The following CNTN5 variants were observed in gnomAD, a reference collection of about 807,000 sequenced individuals.
CNTN5 encodes the protein contactin-5.
In CNTN5, 77 loss-of-function variants were observed where a neutral mutation model predicts 129.1. The ratio of observed to expected loss-of-function variants is 0.60; its 90% CI spans 0.50 to 0.72. The LOEUF (loss-of-function observed/expected upper bound fraction) is 0.72. Ranked by LOEUF, CNTN5 falls within the 30% of genes least tolerant of loss-of-function variation. The probability of loss-of-function intolerance (pLI) is 0.00; values close to 1 mark genes in which losing one functional copy is unlikely to be tolerated. For missense variants in CNTN5, 1,478 were observed against 1,328.8 expected (o/e 1.11, Z -1.75); for synonymous variants, 509 against 465.6 (o/e 1.09, Z -1.20).
intron 1 of CNTN5, among the ~76,000 whole-genome samples, chr11:99,089,418 A>G (rs951374718): frequency 2.6e-5 from 4 of 152,178 alleles, no homozygotes; most frequent in Non-Finnish European, 4.4e-5. Context: ...CTTTAATCCT[A>G]TAAGATAAGC....
rs370054619 is a variant in CNTN5, at chr11:99,181,603, G to GACCC, written c.-209-143741_-209-143738dup. Among the ~76,000 whole-genome samples, 961 of 152,264 alleles carry GACCC rather than the reference G, an allele frequency of 6.3e-3. 7 individuals carry two copies. The highest frequency in any genetic ancestry group is 0.022 in the African/African-American group (929 of 41,554). Reference sequence around the variant, plus strand: ...ACTCATTCTCAGCCTAAGACATGATGACCCAGGTACTGATTACTAGCAGAC... The same window carrying GACCC: ...ACTCATTCTCAGCCTAAGACATGATGACCCACCCAGGTACTGATTACTAGCAGAC... On this transcript the variant is annotated intron_variant, in intron 1 of 24. Transcript: ENST00000524871.
At chr11:99,742,730 G>A (rs1447785014) in intron 3 of CNTN5, among the ~76,000 whole-genome samples, 1 of 152,156 alleles carries the variant, frequency 6.6e-6, no homozygotes, top group East Asian at 1.9e-4. Flanking sequence ...CCTAAAATCT[G>A]TCATCCTGCC....
intron 3 of CNTN5, among the ~76,000 whole-genome samples, chr11:99,774,272 T>TA (rs138859607): frequency 0.015 from 2,096 of 140,344 alleles, 42 homozygotes; most frequent in African/African-American, 0.043. Flanking sequence ...ATCAGAGTGA[T>TA]AAAAAAAAAA....
chr11:99,135,273 A>G (rs926991883), intron 1 of CNTN5, among the ~76,000 whole-genome samples: 1 of 152,232 alleles, frequency 6.6e-6, no homozygotes, highest in Non-Finnish European at 1.5e-5. Flanking sequence ...ATAATTGATA[A>G]TTGTAATACA....
chr11:99,651,853 C>T (rs949235856), intron 3 of CNTN5, among the ~76,000 whole-genome samples: 2 of 151,716 alleles, frequency 1.3e-5, no homozygotes, highest in African/African-American at 2.4e-5. Context: ...GAGACAATAA[C>T]TGAATAAGAA....
At chr11:99,123,391 T>C (rs958885953) in intron 1 of CNTN5, among the ~76,000 whole-genome samples, 1 of 151,946 alleles carries the variant, frequency 6.6e-6, no homozygotes, top group Non-Finnish European at 1.5e-5. Flanking sequence ...TATTAATGGG[T>C]TTGTTTGTTT....
intron 1 of CNTN5, among the ~76,000 whole-genome samples, chr11:99,036,921 A>G (rs1367734584): frequency 6.6e-6 from 1 of 152,180 alleles, no homozygotes; most frequent in Non-Finnish European, 1.5e-5. Context: ...TTACATATTA[A>G]CAGAAACAAA....
intron 4 of CNTN5, among the ~76,000 whole-genome samples, chr11:99,831,678 G>C (rs532346135): frequency 1.3e-5 from 2 of 152,216 alleles, no homozygotes; most frequent in South Asian, 4.1e-4. Flanking sequence ...CAACCACTAA[G>C]CTGGTCATCA....
chr11:100,323,088 C>T (rs1234156261), intron 21 of CNTN5, among the ~76,000 whole-genome samples: 1 of 152,166 alleles, frequency 6.6e-6, no homozygotes, highest in African/African-American at 2.4e-5. Flanking sequence ...TTCCTGAGAA[C>T]ATGCAGGTTA....
At chr11:99,198,840 T>C (rs1859030816) in intron 1 of CNTN5, among the ~76,000 whole-genome samples, 1 of 152,150 alleles carries the variant, frequency 6.6e-6, no homozygotes, top group Non-Finnish European at 1.5e-5. Context: ...CTAACAGATT[T>C]GATCCCAACA....
At chr11:99,981,077 GATATATATATA>G in intron 8 of CNTN5, among the ~76,000 whole-genome samples, 2 of 57,594 alleles carry the variant, frequency 3.5e-5, no homozygotes, top group East Asian at 1.2e-3. Context: ...GAGCCAATAG[GATATATATATA>G]TATATATATA....
intron 18 of CNTN5, among the ~76,000 whole-genome samples, chr11:100,289,943 A>T (rs1305192157): frequency 2.0e-5 from 3 of 151,612 alleles, no homozygotes; most frequent in East Asian, 1.9e-4. Context: ...TGCAAAAATC[A>T]CAAGCATTCT....
intron 6 of CNTN5, among the ~76,000 whole-genome samples, chr11:99,912,875 A>G (rs927652126): frequency 1.3e-5 from 2 of 151,984 alleles, no homozygotes; most frequent in Admixed American, 1.3e-4. Context: ...GTCCAGAAAG[A>G]TATTTATTTC....
At chr11:99,805,495 G>C (rs1209214295) in intron 3 of CNTN5, among the ~76,000 whole-genome samples, 2 of 152,134 alleles carry the variant, frequency 1.3e-5, no homozygotes, top group Admixed American at 1.3e-4. Flanking sequence ...CTTGTTAATT[G>C]AACTATTTTC....
At chr11:99,475,350 A>T (rs1407883896) in intron 2 of CNTN5, among the ~76,000 whole-genome samples, 1 of 152,172 alleles carries the variant, frequency 6.6e-6, no homozygotes, top group Non-Finnish European at 1.5e-5. Context: ...AGCCTCTAGA[A>T]CTGTACAAAA....
At chr11:100,336,853 C>T (rs1421460876) in intron 21 of CNTN5, 7 of 474,686 alleles carry the variant, frequency 1.5e-5, no homozygotes, top group Admixed American at 3.4e-5. Flanking sequence ...GAATCACAAT[C>T]TAGATGTGGA....
At chr11:99,861,854 C>T (rs1022632205) in intron 6 of CNTN5, among the ~76,000 whole-genome samples, 6 of 152,088 alleles carry the variant, frequency 3.9e-5, no homozygotes, top group African/African-American at 1.2e-4. Flanking sequence ...TATTTTCTAG[C>T]ATCAAAAATT....
At chr11:99,443,453 GTTTT>G (rs1943924169) in intron 2 of CNTN5, among the ~76,000 whole-genome samples, 1 of 152,168 alleles carries the variant, frequency 6.6e-6, no homozygotes, top group South Asian at 2.1e-4. Context: ...TTTTCATGGT[GTTTT>G]GACAAAACGT....
At position 99,273,798 on chromosome 11, in the gene CNTN5, AT is replaced by A. The variant is rs34339608; in HGVS notation, c.-209-51538del. On this transcript the variant is annotated intron_variant, in intron 1 of 24. Coordinates refer to ENST00000524871, the MANE Select transcript of CNTN5 (RefSeq NM_014361.4). ...CCATAAAAATCTGATTATACTTATG[AT>A]TTTTTTTTTGAATAGTCAAATCATC... 3.9e-3 allele frequency among the ~76,000 whole-genome samples: 578 copies of A among 149,818 alleles called. 5 individuals are homozygous for A. The highest frequency in any genetic ancestry group is 0.012 in the African/African-American group (482 of 41,030).
Sources: allele counts gnomAD v4.1 joint callset (sites outside exome capture counted in the v4.1 genomes callset), GRCh38; gene constraint gnomAD v4.1.1; transcripts MANE v1.5; gene names NCBI Gene and HGNC (gene_info 2026-07-23, HGNC 2026-07-21).